MMP16: variants seen among roughly 807,000 people sequenced by gnomAD.
The protein encoded by MMP16 is matrix metallopeptidase 16, also known as matrix metalloproteinase-16.
MMP16 carries 12 observed loss-of-function variants against 67.8 expected under a neutral mutation model. That is an observed-to-expected ratio of 0.18 (90% CI 0.11 to 0.29). MMP16 has a LOEUF of 0.29. MMP16 is among the 10% of genes least tolerant of loss of function. MMP16 has a pLI of 1.00. For synonymous variants in MMP16, 249 were observed against 255.9 expected (o/e 0.97, Z 0.26); for missense variants, 475 against 765.7 (o/e 0.62, Z 4.48).
At chr8:88,084,602 C>G (rs149040211) in intron 6 of MMP16, among the ~76,000 whole-genome samples, 1 of 152,070 alleles carries the variant, frequency 6.6e-6, no homozygotes, top group African/African-American at 2.4e-5. Context: ...AACTTTGTTT[C>G]GCCAAACACT....
intron 1 of MMP16, among the ~76,000 whole-genome samples, chr8:88,323,589 T>C (rs1033839210): frequency 6.6e-6 from 1 of 152,180 alleles, no homozygotes; most frequent in African/African-American, 2.4e-5. Flanking sequence ...ATTTTATATG[T>C]TTTTATTTTA....
chr8:88,039,344 G>A lies in MMP16; in HGVS notation c.*2117C>T, dbSNP rs1358800136. 6.6e-6 allele frequency: 1 copy of A among 152,248 alleles called. No individual in the cohort carries two copies. The highest frequency in any genetic ancestry group is 1.5e-5 in the Non-Finnish European group (1 of 67,968). 9.4% of individuals were successfully genotyped at this position (152,248 alleles called of 1,614,324 possible). ...ATTAAAATTCACTTCTACCTATAGG[G>A]CATTTTCAGAGTGTGCATGTAAAGA... On this transcript the variant is annotated 3_prime_UTR_variant, in exon 10 of 10. Coordinates refer to ENST00000286614, the MANE Select transcript of MMP16 (RefSeq NM_005941.5). This position sits in a 1 kb window ranked among gnomAD's most constrained non-coding sequence, Gnocchi z 4.5.
intron 4 of MMP16, among the ~76,000 whole-genome samples, chr8:88,139,230 T>C (rs28907604): frequency 1.3e-5 from 2 of 152,100 alleles, no homozygotes; most frequent in African/African-American, 2.4e-5. Flanking sequence ...CCTTATAGCT[T>C]TGCAAATTTA....
intron 1 of MMP16, among the ~76,000 whole-genome samples, chr8:88,221,661 C>A (rs1391929828): frequency 6.6e-6 from 1 of 151,814 alleles, no homozygotes; most frequent in Admixed American, 6.6e-5. Flanking sequence ...GACCAGTAGA[C>A]AGGATGAATT....
At chr8:88,217,238 C>T (rs1333216540) in intron 1 of MMP16, among the ~76,000 whole-genome samples, 1 of 151,876 alleles carries the variant, frequency 6.6e-6, no homozygotes, top group African/African-American at 2.4e-5. Flanking sequence ...AAGATCCAGG[C>T]AAAAAGTGTA....
intron 2 of MMP16, among the ~76,000 whole-genome samples, chr8:88,188,259 A>G (rs1050063940): frequency 6.6e-5 from 10 of 152,332 alleles, no homozygotes; most frequent in Middle Eastern, 3.4e-3. Flanking sequence ...AGTTGCTTTT[A>G]TATATGGGTA....
intron 1 of MMP16, among the ~76,000 whole-genome samples, chr8:88,324,146 T>C (rs776215449): frequency 1.3e-5 from 2 of 152,200 alleles, no homozygotes; most frequent in African/African-American, 4.8e-5. Context: ...TCCATAGTAC[T>C]ACTCCTGGTA....
At chr8:88,043,243 T>G (rs1484248796) in intron 9 of MMP16, among the ~76,000 whole-genome samples, 1 of 152,160 alleles carries the variant, frequency 6.6e-6, no homozygotes, top group Non-Finnish European at 1.5e-5. Context: ...ATCTAGAGAC[T>G]GTACACTTAA....
chr8:88,161,414 T>C (rs1808620742), intron 4 of MMP16, among the ~76,000 whole-genome samples: 1 of 152,202 alleles, frequency 6.6e-6, no homozygotes, highest in South Asian at 2.1e-4. Flanking sequence ...CATTTTTTTA[T>C]TGCGTCTATT....
intron 4 of MMP16, among the ~76,000 whole-genome samples, chr8:88,137,578 C>T (rs1432819879): frequency 6.6e-6 from 1 of 151,880 alleles, no homozygotes; most frequent in African/African-American, 2.4e-5. Context: ...TCTTTGTATT[C>T]AATGTGATTG....
chr8:88,132,058 C>T (rs1563541022), intron 4 of MMP16, among the ~76,000 whole-genome samples: 1 of 151,808 alleles, frequency 6.6e-6, no homozygotes, highest in Non-Finnish European at 1.5e-5. Context: ...TGGCCTTGTC[C>T]TGCTCTATTT....
In MMP16 at chr8:88,043,921, A is replaced by G. The variant is rs185827433; in HGVS notation, c.1490-2126T>C. 1.4e-4 allele frequency among the ~76,000 whole-genome samples: 22 copies of G among 152,328 alleles called. 1 individual carries two copies. Among genetic ancestry groups the G allele is most frequent in the African/African-American group, 4.3e-4 (18 of 41,578 alleles). ...ACGGCATTGATCTAGAATTAAACAG[A>G]CCTTCAAAATAGGTGAATGTACTTC... On this transcript the variant is annotated intron_variant, in intron 9 of 9. Transcript: ENST00000286614.
chr8:88,259,655 G>C (rs1014402545), intron 1 of MMP16, among the ~76,000 whole-genome samples: 1 of 151,820 alleles, frequency 6.6e-6, no homozygotes, highest in Non-Finnish European at 1.5e-5. Flanking sequence ...AAAGGGAAGG[G>C]GAAGGGATTC....
At chr8:88,057,754 C>G (rs1423120893) in intron 7 of MMP16, among the ~76,000 whole-genome samples, 2 of 152,104 alleles carry the variant, frequency 1.3e-5, no homozygotes, top group Admixed American at 1.3e-4. Flanking sequence ...ACTCCAAGAG[C>G]TTCTACTACC....
intron 1 of MMP16, among the ~76,000 whole-genome samples, chr8:88,211,510 C>A (rs1024798732): frequency 1.3e-5 from 2 of 152,010 alleles, no homozygotes; most frequent in Admixed American, 1.3e-4. Flanking sequence ...TACAAGTGTA[C>A]AATGATAAAG....
intron 1 of MMP16, among the ~76,000 whole-genome samples, chr8:88,300,244 C>G (rs1811077073): frequency 6.6e-6 from 1 of 152,146 alleles, no homozygotes; most frequent in Non-Finnish European, 1.5e-5. Context: ...TTCATACTTT[C>G]TATGTTAAAT....
At chr8:88,050,319 T>A (rs1354755136) in intron 8 of MMP16, among the ~76,000 whole-genome samples, 2 of 152,288 alleles carry the variant, frequency 1.3e-5, no homozygotes, top group East Asian at 3.9e-4. Flanking sequence ...AGAGACTTCA[T>A]CTCAAATAAT....
rs1309970790 is a variant in MMP16, at chr8:88,327,464, T to A, written c.-258A>T. 5 of 464,348 alleles carry A rather than the reference T, an allele frequency of 1.1e-5. No homozygotes were observed. Among genetic ancestry groups the A allele is most frequent in the African/African-American group, 2.0e-5 (1 of 49,882 alleles). The allele number at this position is 464,348 out of a possible 1,614,324, so 28.8% of individuals were successfully genotyped here. A position where few individuals can be genotyped will look rare whatever the true frequency, so the allele number is the denominator to read the frequency against. Reference sequence around the variant, plus strand: ...AGTCACCGGGAACGTGGCGCCTAAGTTCACCGGCGGTTCCGGCTCAAAGAG... The same window carrying A: ...AGTCACCGGGAACGTGGCGCCTAAGATCACCGGCGGTTCCGGCTCAAAGAG... On this transcript the variant is annotated 5_prime_UTR_variant, in exon 1 of 10. Transcript: ENST00000286614.
At chr8:88,294,229 C>T (rs1252451748) in intron 1 of MMP16, among the ~76,000 whole-genome samples, 1 of 148,396 alleles carries the variant, frequency 6.7e-6, no homozygotes, top group Non-Finnish European at 1.5e-5. Context: ...TATATATATA[C>T]ACACACATAT....
Sources: gnomAD v4.1 joint callset for allele counts (sites outside exome capture counted in the v4.1 genomes callset) on GRCh38, gnomAD v4.1.1 for gene constraint, Gnocchi (gnomAD v3.1) non-coding constraint, MANE v1.5 for transcripts, NCBI Gene and HGNC (gene_info 2026-07-23, HGNC 2026-07-21) for gene names.